The following LRRIQ1 variants were observed in gnomAD, a reference collection of about 807,000 sequenced individuals.
The protein encoded by LRRIQ1 is leucine rich repeats and IQ motif containing 1.
LRRIQ1 carries 210 observed loss-of-function variants against 211.9 expected under a neutral mutation model. The observed-to-expected ratio is 0.99, with a 90% CI of 0.89 to 1.11. The LOEUF is 1.11. Among genes scored for constraint, LRRIQ1 ranks in the 50% most tolerant of loss-of-function variants. The pLI is 0.00. For missense variants in LRRIQ1, 2,136 were observed against 1,939.5 expected (o/e 1.10, Z -1.90); for synonymous variants, 699 against 650.1 (o/e 1.08, Z -1.14).
intron 10 of LRRIQ1, among the ~76,000 whole-genome samples, chr12:85,071,741 AGG>A (rs1883106455): frequency 6.6e-6 from 1 of 152,036 alleles, no homozygotes; most frequent in Non-Finnish European, 1.5e-5. Context: ...GCAAGAGCAA[AGG>A]GATGTCTTAC....
At chr12:85,194,958 T>C (rs1040362581) in intron 24 of LRRIQ1, among the ~76,000 whole-genome samples, 2 of 151,172 alleles carry the variant, frequency 1.3e-5, no homozygotes, top group Non-Finnish European at 3.0e-5. Context: ...GAGAGAAGAA[T>C]CAAATAGATG....
intron 11 of LRRIQ1, among the ~76,000 whole-genome samples, chr12:85,078,832 G>A (rs536164041): frequency 2.0e-5 from 3 of 151,824 alleles, no homozygotes; most frequent in East Asian, 1.9e-4. Flanking sequence ...CCAAGTAGTC[G>A]AAAAAAAATT....
chr12:85,114,770 G>A (rs1041342221), intron 15 of LRRIQ1, among the ~76,000 whole-genome samples: 1 of 152,082 alleles, frequency 6.6e-6, no homozygotes, highest in African/African-American at 2.4e-5. Context: ...TGGCTGTCAA[G>A]TTTCATTTAC....
intron 24 of LRRIQ1, among the ~76,000 whole-genome samples, chr12:85,195,245 C>G (rs1892832179): frequency 6.6e-6 from 1 of 151,732 alleles, no homozygotes; most frequent in Non-Finnish European, 1.5e-5. Flanking sequence ...ACCAGAGGTA[C>G]AAGGAGGAAC....
chr12:85,177,200 T>A (rs1285867203), intron 24 of LRRIQ1, among the ~76,000 whole-genome samples: 1 of 152,190 alleles, frequency 6.6e-6, no homozygotes, highest in African/African-American at 2.4e-5. Context: ...TCCCTATTTA[T>A]TCTACCAGTA....
chr12:85,037,039 G>A (rs1342857787), intron 1 of LRRIQ1, among the ~76,000 whole-genome samples: 1 of 152,000 alleles, frequency 6.6e-6, no homozygotes, highest in African/African-American at 2.4e-5. Context: ...ACACACAACA[G>A]ATTTCTAAGA....
intron 24 of LRRIQ1, among the ~76,000 whole-genome samples, chr12:85,190,227 G>C (rs1354851213): frequency 7.0e-6 from 1 of 142,948 alleles, no homozygotes; most frequent in Non-Finnish European, 1.5e-5. Flanking sequence ...ATTTTATAAT[G>C]ATATATTAAT....
chr12:85,064,671 GTA>G (rs1491131249), intron 8 of LRRIQ1, among the ~76,000 whole-genome samples: 1 of 151,754 alleles, frequency 6.6e-6, no homozygotes, highest in African/African-American at 2.4e-5. Flanking sequence ...TTAGATTTAA[GTA>G]TGTTTAATCT....
In LRRIQ1 at chr12:85,188,204, C is replaced by T. The variant is rs369851694; in HGVS notation, c.4822+27490C>T. On this transcript the variant is annotated intron_variant, in intron 24 of 26. Coordinates refer to ENST00000393217, the MANE Select transcript of LRRIQ1 (RefSeq NM_001079910.2). ...CATCAAATTATATTAGAGTAACAACCAAAAATCATGTAACATGATTCTTGT... is the reference window on the plus strand; with the variant it reads ...CATCAAATTATATTAGAGTAACAACTAAAAATCATGTAACATGATTCTTGT... Among the ~76,000 whole-genome samples, 297 of 151,548 alleles carry T rather than the reference C, an allele frequency of 2.0e-3. 10 individuals are homozygous for T. In the South Asian group the frequency reaches 0.053, roughly 27 times the overall value.
intron 1 of LRRIQ1, among the ~76,000 whole-genome samples, chr12:85,253,802 T>C (rs1264271116): frequency 6.6e-6 from 1 of 152,098 alleles, no homozygotes; most frequent in Non-Finnish European, 1.5e-5. Context: ...TTTATGAATA[T>C]ACTAATCACT....
intron 19 of LRRIQ1, among the ~76,000 whole-genome samples, chr12:85,144,025 A>G (rs946312429): frequency 2.6e-5 from 4 of 151,530 alleles, no homozygotes; most frequent in South Asian, 2.1e-4. Context: ...GGTAGTAAGC[A>G]TGGTACCTGA....
intron 15 of LRRIQ1, among the ~76,000 whole-genome samples, chr12:85,115,917 G>C (rs1244569634): frequency 6.6e-6 from 1 of 152,010 alleles, no homozygotes; most frequent in African/African-American, 2.4e-5. Context: ...TGTTAAAGTA[G>C]CTCTTCATTT....
intron 11 of LRRIQ1, among the ~76,000 whole-genome samples, chr12:85,088,890 A>G (rs956516814): frequency 1.3e-5 from 2 of 152,156 alleles, no homozygotes; most frequent in Non-Finnish European, 2.9e-5. Context: ...CTGCAAACAG[A>G]GACAATTTGA....
chr12:85,177,845 T>A (rs1258663977), intron 24 of LRRIQ1, among the ~76,000 whole-genome samples: 1 of 152,070 alleles, frequency 6.6e-6, no homozygotes, highest in Admixed American at 6.6e-5. Context: ...ATCATGGCAG[T>A]GGTTCAGCAC....
chr12:85,121,961 A>G, intron 16 of LRRIQ1, 85 bp downstream of exon 16: 6 of 1,179,328 alleles, frequency 5.1e-6, no homozygotes, highest in Non-Finnish European at 5.6e-6. Flanking sequence ...GATTAACACA[A>G]TTATACTTTT....
chr12:85,053,777 G>C (rs999909533), intron 7 of LRRIQ1, among the ~76,000 whole-genome samples: 1 of 152,090 alleles, frequency 6.6e-6, no homozygotes, highest in African/African-American at 2.4e-5. Context: ...GCGCCATCTC[G>C]GCTCACTTCA....
chr12:85,128,601 A>C (rs1888545408), intron 18 of LRRIQ1, among the ~76,000 whole-genome samples: 1 of 152,140 alleles, frequency 6.6e-6, no homozygotes, highest in South Asian at 2.1e-4. Context: ...CTTGTCTCAA[A>C]AAACAACAAC....
intron 18 of LRRIQ1, among the ~76,000 whole-genome samples, chr12:85,129,382 C>T (rs1165582380): frequency 6.6e-6 from 1 of 152,080 alleles, no homozygotes; most frequent in East Asian, 1.9e-4. Flanking sequence ...CAAAATTTAG[C>T]ATTTCCCTTT....
intron 23 of LRRIQ1, 44 bp downstream of exon 23, chr12:85,154,138 T>C (rs1592894888): frequency 4.6e-6 from 5 of 1,077,358 alleles, no homozygotes; most frequent in African/African-American, 1.6e-5. Context: ...GTATGGAAAA[T>C]TGAAGATAAC....
Sources: gnomAD v4.1 joint callset for allele counts (sites outside exome capture counted in the v4.1 genomes callset) on GRCh38, gnomAD v4.1.1 for gene constraint, MANE v1.5 for transcripts, NCBI Gene and HGNC (gene_info 2026-07-23, HGNC 2026-07-21) for gene names.